Variants in IL1RAPL1 observed in about 807,000 individuals in gnomAD.
IL1RAPL1 encodes interleukin 1 receptor accessory protein like 1.
In IL1RAPL1, 3 loss-of-function variants were observed where a neutral mutation model predicts 48.4. The observed-to-expected ratio is 0.06, with a 90% CI of 0.03 to 0.16. IL1RAPL1 has a LOEUF of 0.16. IL1RAPL1 is among the 10% of genes least tolerant of loss of function. The pLI is 1.00. For missense variants in IL1RAPL1, 349 were observed against 530.6 expected (o/e 0.66, Z 3.36); for synonymous variants, 185 against 187.7 (o/e 0.99, Z 0.12).
At chrX:28,944,025 C>T (rs370971033) in intron 2 of IL1RAPL1, among the ~76,000 whole-genome samples, 3 of 110,655 alleles carry the variant, frequency 2.7e-5, no homozygotes, top group South Asian at 3.7e-4. Flanking sequence ...CTCATGTGGA[C>T]GTATTTTGTA....
intron 1 of IL1RAPL1, among the ~76,000 whole-genome samples, chrX:28,698,065 A>C (rs1935254781): frequency 9.0e-6 from 1 of 111,683 alleles, no homozygotes. Context: ...TGCCAAAACA[A>C]GCAAAAGCTC....
intron 6 of IL1RAPL1, among the ~76,000 whole-genome samples, chrX:29,900,819 C>T (rs1003918531): frequency 8.9e-6 from 1 of 111,817 alleles, no homozygotes; most frequent in African/African-American, 3.3e-5. Context: ...TATTCTGCCA[C>T]ACTATGACCT....
intron 2 of IL1RAPL1, among the ~76,000 whole-genome samples, chrX:29,276,137 A>G (rs1314848262): frequency 8.9e-6 from 1 of 111,892 alleles, no homozygotes; most frequent in African/African-American, 3.2e-5. Context: ...AAATTTTATC[A>G]GTGTTTGTTT....
chrX:28,753,185 G>A (rs993491657), intron 1 of IL1RAPL1, among the ~76,000 whole-genome samples: 20 of 111,703 alleles, frequency 1.8e-4, no homozygotes, highest in African/African-American at 6.2e-4. Context: ...AGGCCATATG[G>A]CACACAAAGC....
intron 2 of IL1RAPL1, among the ~76,000 whole-genome samples, chrX:29,192,375 C>T (rs1369517640): frequency 1.8e-5 from 2 of 112,075 alleles, no homozygotes; most frequent in Admixed American, 1.9e-4. Flanking sequence ...CCCTAGTGTG[C>T]ATTTTGGTGG....
At chrX:28,989,844 G>A (rs958809831) in intron 2 of IL1RAPL1, among the ~76,000 whole-genome samples, 1 of 111,539 alleles carries the variant, frequency 9.0e-6, no homozygotes, top group Non-Finnish European at 1.9e-5. Flanking sequence ...TTCTTAAAAA[G>A]TGTCATGAAT....
In IL1RAPL1 at chrX:29,712,129, T is replaced by G. The variant is rs142728158; in HGVS notation, c.778+43625T>G. ...TTTGTGGTTGTAAGTGACGTGAAAC[T>G]ATAGGATTTATTTTTCCATTGGCTT... On this transcript the variant is annotated intron_variant, in intron 6 of 10. Coordinates refer to ENST00000378993, the MANE Select transcript of IL1RAPL1 (RefSeq NM_014271.4). Among the ~76,000 whole-genome samples, 52 of 109,407 alleles carry G rather than the reference T, an allele frequency of 4.8e-4. No homozygotes were observed. The East Asian group carries it at 0.014, about 29-fold the overall frequency.
In IL1RAPL1 at chrX:29,740,927, T is replaced by C. The variant is rs148801085; in HGVS notation, c.778+72423T>C. On this transcript the variant is annotated intron_variant, in intron 6 of 10. Transcript: ENST00000378993. ...CATTTCTGTTCTAGTTCCTCACTTATGACTTGTAAATTGAAAGCACCTAGA... is the reference window on the plus strand; with the variant it reads ...CATTTCTGTTCTAGTTCCTCACTTACGACTTGTAAATTGAAAGCACCTAGA... Among the ~76,000 whole-genome samples, 968 of 112,513 alleles carry C rather than the reference T, an allele frequency of 8.6e-3. 2 individuals are homozygous for C. Among genetic ancestry groups the C allele is most frequent in the Non-Finnish European group, 0.013 (692 of 53,327 alleles).
intron 2 of IL1RAPL1, among the ~76,000 whole-genome samples, chrX:29,138,254 CTT>C (rs1186482882): frequency 3.6e-5 from 4 of 111,841 alleles, no homozygotes; most frequent in African/African-American, 6.5e-5. Flanking sequence ...ATTAAAATAA[CTT>C]ATCACCCTTT....
At chrX:29,334,711 G>A (rs1932954305) in intron 3 of IL1RAPL1, among the ~76,000 whole-genome samples, 1 of 111,887 alleles carries the variant, frequency 8.9e-6, no homozygotes, top group Non-Finnish European at 1.9e-5. Flanking sequence ...CCACATCTCA[G>A]ACGATGGGCG....
At chrX:29,745,431 GTTTTTTTT>G (rs752527354) in intron 6 of IL1RAPL1, among the ~76,000 whole-genome samples, 10 of 24,739 alleles carry the variant, frequency 4.0e-4, no homozygotes, top group Admixed American at 6.2e-4. Flanking sequence ...AGTTTTTTGT[GTTTTTTTT>G]TTTTTTTTTT....
At chrX:28,946,225 G>T (rs1196557087) in intron 2 of IL1RAPL1, among the ~76,000 whole-genome samples, 1 of 110,345 alleles carries the variant, frequency 9.1e-6, no homozygotes, top group Non-Finnish European at 1.9e-5. Context: ...ATTTATGCAT[G>T]TGTAACACAG....
At chrX:29,221,479 C>T (rs774475363) in intron 2 of IL1RAPL1, among the ~76,000 whole-genome samples, 1 of 110,830 alleles carries the variant, frequency 9.0e-6, no homozygotes, top group Admixed American at 9.7e-5. Flanking sequence ...TTATATACCC[C>T]GTGAAGGTCT....
chrX:29,817,702 C>A (rs746763578), intron 6 of IL1RAPL1, among the ~76,000 whole-genome samples: 1 of 111,265 alleles, frequency 9.0e-6, no homozygotes, highest in Non-Finnish European at 1.9e-5. Context: ...ACCCAGATTC[C>A]GATTGATTAA....
intron 1 of IL1RAPL1, among the ~76,000 whole-genome samples, chrX:28,666,789 A>C (rs1934884525): frequency 8.9e-6 from 1 of 112,053 alleles, no homozygotes; most frequent in Non-Finnish European, 1.9e-5. Flanking sequence ...TTAGTTGGCT[A>C]TATAAACATA....
At chrX:29,534,924 G>C (rs1921171088) in intron 5 of IL1RAPL1, among the ~76,000 whole-genome samples, 2 of 107,800 alleles carry the variant, frequency 1.9e-5, no homozygotes, top group Admixed American at 9.9e-5. Context: ...AGCCGAGATT[G>C]TGCCACTGCA....
intron 6 of IL1RAPL1, among the ~76,000 whole-genome samples, chrX:29,770,023 A>G (rs1426148823): frequency 3.6e-5 from 4 of 112,184 alleles, no homozygotes; most frequent in Non-Finnish European, 5.6e-5. Flanking sequence ...AGGAATTTTT[A>G]CTTCAAGTTA....
intron 5 of IL1RAPL1, among the ~76,000 whole-genome samples, chrX:29,490,649 T>C (rs993581552): frequency 8.9e-6 from 1 of 111,815 alleles, no homozygotes; most frequent in Non-Finnish European, 1.9e-5. Context: ...GACATTGTTC[T>C]TCCTTATTTT....
chrX:28,996,830 A>T (rs1925737174), intron 2 of IL1RAPL1, among the ~76,000 whole-genome samples: 1 of 111,330 alleles, frequency 9.0e-6, no homozygotes, highest in Admixed American at 9.6e-5. Flanking sequence ...CTGATTGCTG[A>T]TAATTCTGAG....
Sources: gnomAD v4.1 joint callset for allele counts (sites outside exome capture counted in the v4.1 genomes callset) on GRCh38, gnomAD v4.1.1 for gene constraint, MANE v1.5 for transcripts, NCBI Gene and HGNC (gene_info 2026-07-23, HGNC 2026-07-21) for gene names.